CARMIL2: variants seen among roughly 807,000 people sequenced by gnomAD.
The protein encoded by CARMIL2 is capping protein regulator and myosin 1 linker 2, also known as capping protein, Arp2/3 and myosin-I linker protein 2.
In CARMIL2, 96 loss-of-function variants were observed where a neutral mutation model predicts 173.3. The ratio of observed to expected loss-of-function variants is 0.55; its 90% CI spans 0.47 to 0.66. The LOEUF (loss-of-function observed/expected upper bound fraction) is 0.66, where lower values mean the gene tolerates loss of function less well. Among genes scored for constraint, CARMIL2 ranks in the 30% least tolerant of loss-of-function variants. CARMIL2 has a pLI of 0.00. For missense variants in CARMIL2, 1,771 were observed against 1,906.7 expected, an observed-to-expected ratio of 0.93 and a Z score of 1.33; for synonymous variants, 830 against 817.1, an observed-to-expected ratio of 1.02 and a Z score of -0.27.
At position 67,648,594 on chromosome 16, in the gene CARMIL2, A is replaced by G. The variant is rs139104491; in HGVS notation, c.1440-91A>G. On this transcript the variant is annotated intron_variant, in intron 15 of 37. Coordinates refer to ENST00000334583, the MANE Select transcript of CARMIL2 (RefSeq NM_001013838.3). The surrounding 1 kb of genome is among the most constrained non-coding windows in gnomAD (Gnocchi z 6.1). Reference sequence around the variant, plus strand: ...CGCTCCTGCTTCTGTCGCTCCCACAACCTCCCCCAGATCCTGGCCCTGCCT... The same window carrying G: ...CGCTCCTGCTTCTGTCGCTCCCACAGCCTCCCCCAGATCCTGGCCCTGCCT... The G allele has an allele frequency of 0.036, 53,588 of 1,483,962 alleles. 1,152 individuals carry two copies. Among genetic ancestry groups the G allele is most frequent in the Middle Eastern group, 0.095 (507 of 5,360 alleles). 91.9% of individuals were successfully genotyped at this position (1,483,962 alleles called of 1,614,324 possible). A position where few individuals can be genotyped will look rare whatever the true frequency, so the allele number is the denominator to read the frequency against.
rs2052771724 is a variant in CARMIL2 at position 67,653,615 on chromosome 16, T to C, written c.3120+361T>C. ...CGAGCCGCGGGGCCAAGCCTGCGTC[T>C]GCTGCGCGTCCGGCGGCGGCGCGTG... On this transcript the variant is annotated intron_variant, in intron 29 of 37. Transcript: ENST00000334583. This position sits in a 1 kb window ranked among gnomAD's most constrained non-coding sequence, Gnocchi z 7.4. 1.3e-5 allele frequency among the ~76,000 whole-genome samples: 2 copies of C among 152,150 alleles called. No homozygotes were observed. Among genetic ancestry groups the C allele is most frequent in the South Asian group, 4.1e-4 (2 of 4,834 alleles).
Position 67,651,013 on chromosome 16 carries a change from G to A in CARMIL2, c.2185-174G>A. On this transcript the variant is annotated intron_variant, in intron 22 of 37. Coordinates refer to ENST00000334583, the MANE Select transcript of CARMIL2 (RefSeq NM_001013838.3). This position sits in a 1 kb window ranked among gnomAD's most constrained non-coding sequence, Gnocchi z 4.2. ...GAAGTGTATATAAAGTCCTTAAAAT[G>A]AACCAAAGCAACAGATAGTTCCTTC... 1.5e-6 allele frequency: 1 copy of A among 673,676 alleles called. No individual in the cohort carries two copies. Among genetic ancestry groups the A allele is most frequent in the Non-Finnish European group, 2.5e-6 (1 of 407,752 alleles). 41.7% of individuals were successfully genotyped at this position (673,676 alleles called of 1,614,324 possible).
rs576078839 is a variant in CARMIL2, at chr16:67,657,005, G to A, written c.4117+124G>A. 3.6e-5 allele frequency: 31 copies of A among 859,544 alleles called. No homozygotes were observed. In the East Asian group the frequency reaches 8.0e-4, roughly 22 times the overall value. The allele number at this position is 859,544 out of a possible 1,614,324, so 53.2% of individuals were successfully genotyped here. A position where few individuals can be genotyped will look rare whatever the true frequency, so the allele number is the denominator to read the frequency against. ...CAGTGTGTGAGGTCTCAAGAAATCA[G>A]GGAGCCAGAAGACCAGGTGCAAGGG... On this transcript the variant is annotated intron_variant, in intron 36 of 37. Coordinates refer to ENST00000334583, the MANE Select transcript of CARMIL2 (RefSeq NM_001013838.3). The surrounding 1 kb of genome is among the most constrained non-coding windows in gnomAD (Gnocchi z 4.5).
In CARMIL2 at chr16:67,646,792, T is replaced by A. The variant is rs769594832; in HGVS notation, c.537+8T>A. 2 of 1,613,810 alleles carry A rather than the reference T, an allele frequency of 1.2e-6. No individual in the cohort carries two copies. The highest frequency in any genetic ancestry group is 1.7e-6 in the Non-Finnish European group (2 of 1,179,782). ...CGAGAGGAGATTCAGTGGGTGAGGGTAGGGCCCTTTTGAAGGGCTCTGGAG... is the reference window on the plus strand; with the variant it reads ...CGAGAGGAGATTCAGTGGGTGAGGGAAGGGCCCTTTTGAAGGGCTCTGGAG... On this transcript the variant is annotated splice_region_variant and intron_variant, in intron 7 of 37. Coordinates refer to ENST00000334583, the MANE Select transcript of CARMIL2 (RefSeq NM_001013838.3). The surrounding 1 kb of genome is among the most constrained non-coding windows in gnomAD (Gnocchi z 4.6).
chr16:67,650,259 G>A, intron 22 of CARMIL2, 109 bp downstream of exon 22: 2 of 878,658 alleles, frequency 2.3e-6, no homozygotes, highest in Admixed American at 4.2e-5. Flanking sequence ...GGGTGCCTGA[G>A]CCCTGCTGTC....
rs1311928308 is a variant in CARMIL2 at position 67,651,116 on chromosome 16, G to A, written c.2185-71G>A. 1.2e-5 allele frequency: 19 copies of A among 1,551,510 alleles called. No homozygotes were observed. The Admixed American group carries it at 3.4e-4, about 28-fold the overall frequency. On this transcript the variant is annotated intron_variant, in intron 22 of 37. Transcript: ENST00000334583. This position sits in a 1 kb window ranked among gnomAD's most constrained non-coding sequence, Gnocchi z 4.2. ...AGGACCTCCCTCTGTTAAAGAGCCT[G>A]GGAGGAAGGCAGGCAGGATCTGGGA...
Position 67,654,491 on chromosome 16 carries a change from C to T in CARMIL2, c.3381C>T (p.Thr1127=), listed in dbSNP as rs1349056590. 6.2e-7 allele frequency: 1 copy of T among 1,612,744 alleles called. No homozygotes were observed. Among genetic ancestry groups the T allele is most frequent in the Non-Finnish European group, 8.5e-7 (1 of 1,179,684 alleles). Residue 1127 remains threonine, a synonymous_variant, in exon 31 of 38, where the codon ACC becomes ACT. Coordinates refer to ENST00000334583, the MANE Select transcript of CARMIL2 (RefSeq NM_001013838.3). ...CCAGCCCTGGGGCAGCTCCCCGAAC[C>T]CGAAAAACTACATTTGGCGACCTAC... The part of the protein sequence containing the change: ...LETSPGAAPR[T]RKTTFGDLLR...
intron 30 of CARMIL2, 24 bp from the exon 31 acceptor site, chr16:67,654,308 G>T: frequency 1.9e-6 from 3 of 1,582,452 alleles, no homozygotes; most frequent in Non-Finnish European, 2.6e-6. Context: ...GGGCTTTCTC[G>T]CTCACTGCTG....
Position 67,648,469 on chromosome 16 carries a change from T to C in CARMIL2, c.1406T>C (p.Leu469Pro). The C allele has an allele frequency of 6.9e-7, 1 of 1,440,374 alleles. No individual in the cohort carries two copies. The highest frequency in any genetic ancestry group is 9.0e-7 in the Non-Finnish European group (1 of 1,105,756). 89.2% of individuals were successfully genotyped at this position (1,440,374 alleles called of 1,614,324 possible). ...SRARTLRHLG[L>P]AGCKLPPDAL... ...GCGCGGACGCTGCGGCACCTGGGCC[T>C]GGCGGGCTGCAAGCTGCCGCCCGAC... The change falls in exon 15 of 38, where the codon CTG becomes CCG. Residue 469 changes from leucine to proline, a missense_variant. This residue lies in a region of CARMIL2 where 944 missense variants were observed against 975.6 expected (regional missense o/e 0.97). Transcript: ENST00000334583. The surrounding 1 kb of genome is among the most constrained non-coding windows in gnomAD (Gnocchi z 6.1).
At chr16:67,650,441 C>CTCCAT in intron 22 of CARMIL2, 1 of 494,268 alleles carries the variant, frequency 2.0e-6, no homozygotes, top group Non-Finnish European at 3.7e-6. Flanking sequence ...TCTCTGTCCT[C>CTCCAT]ACATATACGT....
Position 67,648,596 on chromosome 16 carries a change from C to A in CARMIL2, c.1440-89C>A. 1.3e-6 allele frequency: 2 copies of A among 1,489,672 alleles called. No homozygotes were observed. The highest frequency in any genetic ancestry group is 1.8e-6 in the Non-Finnish European group (2 of 1,092,368). 92.3% of individuals were successfully genotyped at this position (1,489,672 alleles called of 1,614,324 possible). On this transcript the variant is annotated intron_variant, in intron 15 of 37. Transcript: ENST00000334583. This position sits in a 1 kb window ranked among gnomAD's most constrained non-coding sequence, Gnocchi z 6.1. ...CTCCTGCTTCTGTCGCTCCCACAAC[C>A]TCCCCCAGATCCTGGCCCTGCCTCC...
At chr16:67,656,961 G>A in intron 36 of CARMIL2, 80 bp downstream of exon 36, 1 of 1,161,456 alleles carries the variant, frequency 8.6e-7, no homozygotes, top group Non-Finnish European at 1.2e-6. Context: ...TCATAGCTTT[G>A]GTCCTTGGAG....
In CARMIL2 at chr16:67,652,461, C is replaced by T. The variant is rs1321685355; in HGVS notation, c.2818-11C>T. ...TCCTACCCCAGGCTGAGTTTGTGCC[C>T]TCCCCACCAGGATGACAGTCCTCCA... On this transcript the variant is annotated splice_polypyrimidine_tract_variant and intron_variant, in intron 27 of 37. Coordinates refer to ENST00000334583, the MANE Select transcript of CARMIL2 (RefSeq NM_001013838.3). This position sits in a 1 kb window ranked among gnomAD's most constrained non-coding sequence, Gnocchi z 4.7. 1.9e-6 allele frequency: 3 copies of T among 1,613,402 alleles called. No individual in the cohort carries two copies.
In CARMIL2 at chr16:67,647,865, G is replaced by C; in HGVS notation, c.978G>C (p.Arg326=). 6.2e-7 allele frequency: 1 copy of C among 1,610,342 alleles called. No individual in the cohort carries two copies. Among genetic ancestry groups the C allele is most frequent in the East Asian group, 2.2e-5 (1 of 44,844 alleles). Residue 326 remains arginine, a synonymous_variant, in exon 13 of 38, where the codon CGG becomes CGC. Transcript: ENST00000334583. ...CACCAGGAATGAGGGCTCTGGGCCG[G>C]GCACTGGCCACCAATGCCGCCTTCG... ...LTPRGMRALG[R]ALATNAAFDS... is the part of the protein sequence containing the mutation.
In CARMIL2 at chr16:67,648,931, G is replaced by A; in HGVS notation, c.1548G>A (p.Val516=). 1 of 1,609,594 alleles carries A rather than the reference G, an allele frequency of 6.2e-7. No homozygotes were observed. Among genetic ancestry groups the A allele is most frequent in the Non-Finnish European group, 8.5e-7 (1 of 1,178,272 alleles). Residue 516 remains valine, a synonymous_variant, in exon 17 of 38, where the codon GTG becomes GTA. Coordinates refer to ENST00000334583, the MANE Select transcript of CARMIL2 (RefSeq NM_001013838.3). The surrounding 1 kb of genome is among the most constrained non-coding windows in gnomAD (Gnocchi z 6.1). ...GCGCCCAGGTGATACAAGACTTAGT[G>A]TGCGACGCAGGCGCTGTGAGCTCCC... is the stretch of plus-strand genomic sequence containing the variant. ...SAGAQVIQDL[V]CDAGAVSSLD...
In CARMIL2 at chr16:67,649,408, C is replaced by G. The variant is rs2052671019; in HGVS notation, c.1747-39C>G. The G allele has an allele frequency of 6.2e-7, 1 of 1,611,032 alleles. No individual in the cohort carries two copies. Among genetic ancestry groups the G allele is most frequent in the Admixed American group, 1.7e-5 (1 of 60,012 alleles). On this transcript the variant is annotated intron_variant, in intron 19 of 37. Coordinates refer to ENST00000334583, the MANE Select transcript of CARMIL2 (RefSeq NM_001013838.3). The surrounding 1 kb of genome is among the most constrained non-coding windows in gnomAD (Gnocchi z 6.7). ...GACCCTGTGACCTGCCCTCACTGAC[C>G]CCTGACTCCAGCCATCAATGGCTTT...
In CARMIL2 at chr16:67,657,262, T is replaced by TC. The variant is rs2052882575; in HGVS notation, c.4146dup (p.Val1383ArgfsTer36). The TC allele has an allele frequency of 6.2e-7, 1 of 1,613,240 alleles. No individual in the cohort carries two copies. Among genetic ancestry groups the TC allele is most frequent in the African/African-American group, 1.3e-5 (1 of 74,718 alleles). ...AGAACGGCCCCTGAGGCTGCAGCGC[T>TC]CCCCCGTCCTCAAACGCAGGCCAAA... On this transcript the variant is annotated frameshift_variant, in exon 37 of 38. Transcript: ENST00000334583. LOFTEE classifies it high-confidence loss of function. This position sits in a 1 kb window ranked among gnomAD's most constrained non-coding sequence, Gnocchi z 4.5.
chr16:67,650,318 A>G, intron 22 of CARMIL2, 168 bp downstream of exon 22: 1 of 608,914 alleles, frequency 1.6e-6, no homozygotes, highest in East Asian at 2.8e-5. Flanking sequence ...ACACCCCTTA[A>G]ATAGCTCTCC....
chr16:67,657,208 A>G lies in CARMIL2; in HGVS notation c.4118-31A>G. ...GGATGGACAGACCCCAAGCCTTAGCAACCCACCCCAAGCCTTTCTGTGTCC... is the reference window on the plus strand; with the variant it reads ...GGATGGACAGACCCCAAGCCTTAGCGACCCACCCCAAGCCTTTCTGTGTCC... On this transcript the variant is annotated intron_variant, in intron 36 of 37. Coordinates refer to ENST00000334583, the MANE Select transcript of CARMIL2 (RefSeq NM_001013838.3). This position sits in a 1 kb window ranked among gnomAD's most constrained non-coding sequence, Gnocchi z 4.5. 1.2e-6 allele frequency: 2 copies of G among 1,604,788 alleles called. No individual in the cohort carries two copies. The highest frequency in any genetic ancestry group is 8.5e-7 in the Non-Finnish European group (1 of 1,173,494).
Sources: allele counts gnomAD v4.1 joint callset (sites outside exome capture counted in the v4.1 genomes callset), GRCh38; gene constraint gnomAD v4.1.1; regional missense constraint gnomAD v4.1.1; non-coding constraint Gnocchi (gnomAD v3.1); transcripts MANE v1.5; gene names NCBI Gene and HGNC (gene_info 2026-07-23, HGNC 2026-07-21).